Variants in RAVER1 observed in about 807,000 individuals in gnomAD.
The protein encoded by RAVER1 is ribonucleoprotein, PTB binding 1, also known as ribonucleoprotein PTB-binding 1.
In RAVER1, 36 loss-of-function variants were observed where a neutral mutation model predicts 68.4. The observed-to-expected ratio is 0.53, with a 90% CI of 0.40 to 0.70. RAVER1 has a LOEUF of 0.70. Among genes scored for constraint, RAVER1 ranks in the 30% least tolerant of loss-of-function variants. RAVER1 has a pLI of 0.00. For missense variants in RAVER1, 933 were observed against 1,019.8 expected (o/e 0.91, Z 1.16); for synonymous variants, 469 against 472.7 (o/e 0.99, Z 0.10).
In RAVER1 at chr19:10,329,748, G is replaced by A. The variant is rs1189417777; in HGVS notation, c.287-637C>T. On this transcript the variant is annotated intron_variant, in intron 2 of 12. Transcript: ENST00000617231. This position sits in a 1 kb window ranked among gnomAD's most constrained non-coding sequence, Gnocchi z 4.6. ...AGGAAGCTTTGTTCAAAACGATCAC[G>A]CCACATCCATCTTGTGGCTTCTAGC... Among the ~76,000 whole-genome samples, 2 of 152,146 alleles carry A rather than the reference G, an allele frequency of 1.3e-5. No homozygotes were observed. The highest frequency in any genetic ancestry group is 4.1e-4 in the South Asian group (2 of 4,836).
chr19:10,322,769 G>A lies in RAVER1; in HGVS notation c.1079-30C>T, dbSNP rs1305286007. The A allele has an allele frequency of 2.3e-6, 3 of 1,314,936 alleles. No individual in the cohort carries two copies. The African/African-American group carries it at 4.6e-5, about 20-fold the overall frequency. 81.5% of individuals were successfully genotyped at this position (1,314,936 alleles called of 1,614,324 possible). A position where few individuals can be genotyped will look rare whatever the true frequency, so the allele number is the denominator to read the frequency against. On this transcript the variant is annotated intron_variant, in intron 5 of 12. Coordinates refer to ENST00000617231, the MANE Select transcript of RAVER1 (RefSeq NM_133452.3). The surrounding 1 kb of genome is among the most constrained non-coding windows in gnomAD (Gnocchi z 4.3). ...AGGGAGACATAGGAGGATGTGTGGG[G>A]GTCCCTGTGTCCTCCCTGCCCCACC...
In RAVER1 at chr19:10,322,474, G is replaced by A. The variant is rs2040444955; in HGVS notation, c.1173+171C>T. On this transcript the variant is annotated intron_variant, in intron 6 of 12. Transcript: ENST00000617231. This position sits in a 1 kb window ranked among gnomAD's most constrained non-coding sequence, Gnocchi z 4.3. ...AACCATCATGAGCAATTGCCAGAGG[G>A]GGATGGGGATGTGGGTGGGAAAGGC... 1 of 540,414 alleles carries A rather than the reference G, an allele frequency of 1.9e-6. No individual in the cohort carries two copies. Among genetic ancestry groups the A allele is most frequent in the Admixed American group, 4.2e-5 (1 of 23,694 alleles). The allele number at this position is 540,414 out of a possible 1,614,324, so 33.5% of individuals were successfully genotyped here. A position where few individuals can be genotyped will look rare whatever the true frequency, so the allele number is the denominator to read the frequency against.
At position 10,320,458 on chromosome 19, in the gene RAVER1, C is replaced by A. The variant is rs1242093532; in HGVS notation, c.1770+197G>T. The stretch of plus-strand genomic sequence containing the variant: ...GGTTGAGGCTGCAGTGAGCTATGAT[C>A]GCACCACTGCACTCCAGCCAGGGCA... On this transcript the variant is annotated intron_variant, in intron 9 of 12. Coordinates refer to ENST00000617231, the MANE Select transcript of RAVER1 (RefSeq NM_133452.3). 2.0e-5 allele frequency among the ~76,000 whole-genome samples: 3 copies of A among 148,894 alleles called. No homozygotes were observed. The Admixed American group carries it at 2.0e-4, about 10-fold the overall frequency.
chr19:10,320,724 G>A lies in RAVER1; in HGVS notation c.1701C>T (p.Ser567=), dbSNP rs1314331618. ...KAFQLKSRLL[S]PLSSARLPPE... ...GGGGCAGGCGGGCGCTGCTGAGGGG[G>A]CTGAGCAGGCGGGACTTGAGCTGGA... is the stretch of plus-strand genomic sequence containing the variant. The change falls in exon 9 of 13, where the codon AGC becomes AGT. Residue 567 remains serine (S), a synonymous_variant. Transcript: ENST00000617231. The A allele has an allele frequency of 2.6e-6, 4 of 1,541,936 alleles. No homozygotes were observed. The highest frequency in any genetic ancestry group is 5.0e-5 in the East Asian group (2 of 39,690).
At position 10,323,029 on chromosome 19, in the gene RAVER1, G is replaced by C; in HGVS notation, c.1078+116C>G. 1.1e-6 allele frequency: 1 copy of C among 893,020 alleles called. No individual in the cohort carries two copies. The highest frequency in any genetic ancestry group is 1.7e-6 in the Non-Finnish European group (1 of 596,800). The allele number at this position is 893,020 out of a possible 1,614,324, so 55.3% of individuals were successfully genotyped here. A position where few individuals can be genotyped will look rare whatever the true frequency, so the allele number is the denominator to read the frequency against. Reference sequence around the variant, plus strand: ...CGCTATGACTCCATACTCCCCCTCGGCCCTACTCCTGGGGCTCCTGTCACT... The same window carrying C: ...CGCTATGACTCCATACTCCCCCTCGCCCCTACTCCTGGGGCTCCTGTCACT... On this transcript the variant is annotated intron_variant, in intron 5 of 12. Transcript: ENST00000617231. This position sits in a 1 kb window ranked among gnomAD's most constrained non-coding sequence, Gnocchi z 6.2.
At chr19:10,330,576 G>T in intron 1 of RAVER1, 50 bp from the exon 2 acceptor site, 1 of 842,214 alleles carries the variant, frequency 1.2e-6, no homozygotes, top group South Asian at 1.4e-5. Flanking sequence ...ATGGAAGGGG[G>T]CAACCCAGTG....
rs376621706 is a variant in RAVER1 at position 10,323,307 on chromosome 19, C to A, written c.949-33G>T. 2 of 1,612,394 alleles carry A rather than the reference C, an allele frequency of 1.2e-6. No individual in the cohort carries two copies. Among genetic ancestry groups the A allele is most frequent in the South Asian group, 2.2e-5 (2 of 91,002 alleles). On this transcript the variant is annotated intron_variant, in intron 4 of 12. Transcript: ENST00000617231. This position sits in a 1 kb window ranked among gnomAD's most constrained non-coding sequence, Gnocchi z 6.2. Reference sequence around the variant, plus strand: ...AAGGAACAGAAGCAGCTCAGAGTGCCGCTGGGGCCCTGACATCCCCATGGG... The same window carrying A: ...AAGGAACAGAAGCAGCTCAGAGTGCAGCTGGGGCCCTGACATCCCCATGGG...
At position 10,316,274 on chromosome 19, in the gene RAVER1, G is replaced by A. The variant is rs2040386868; in HGVS notation, c.*1180C>T. 1 of 1,279,464 alleles carries A rather than the reference G, an allele frequency of 7.8e-7. No individual in the cohort carries two copies. The highest frequency in any genetic ancestry group is 4.2e-5 in the Admixed American group (1 of 24,020). 79.3% of individuals were successfully genotyped at this position (1,279,464 alleles called of 1,614,324 possible). On this transcript the variant is annotated 3_prime_UTR_variant, in exon 13 of 13. Coordinates refer to ENST00000617231, the MANE Select transcript of RAVER1 (RefSeq NM_133452.3). ...CAAAGGTCCGTGTGGGGAGACTGGG[G>A]TGGGGTCGGGGGAATAGTCCCCTTG...
At chr19:10,318,748 C>T (rs1846654015) in intron 10 of RAVER1, among the ~76,000 whole-genome samples, 1 of 152,200 alleles carries the variant, frequency 6.6e-6, no homozygotes. Flanking sequence ...CCTCCAGGAA[C>T]CCAGGGATCA....
chr19:10,320,953 T>C lies in RAVER1; in HGVS notation c.1474-2A>G. 6.7e-7 allele frequency: 1 copy of C among 1,490,734 alleles called. No individual in the cohort carries two copies. The highest frequency in any genetic ancestry group is 8.9e-7 in the Non-Finnish European group (1 of 1,127,620). 92.3% of individuals were successfully genotyped at this position (1,490,734 alleles called of 1,614,324 possible). A position where few individuals can be genotyped will look rare whatever the true frequency, so the allele number is the denominator to read the frequency against. ...GGGGGGCTCCCCCAGCAGTGAGACC[T>C]GTGGCGGGAAGGCAGGATTCGAGAG... On this transcript the variant is annotated splice_acceptor_variant, in intron 8 of 12. Coordinates refer to ENST00000617231, the MANE Select transcript of RAVER1 (RefSeq NM_133452.3). LOFTEE classifies it high-confidence loss of function.
Position 10,333,171 on chromosome 19 carries a change from TG to T in RAVER1, c.219+117del. 1 of 1,015,236 alleles carries T rather than the reference TG, an allele frequency of 9.8e-7. No homozygotes were observed. Among genetic ancestry groups the T allele is most frequent in the Non-Finnish European group, 1.4e-6 (1 of 705,148 alleles). 62.9% of individuals were successfully genotyped at this position (1,015,236 alleles called of 1,614,324 possible). A position where few individuals can be genotyped will look rare whatever the true frequency, so the allele number is the denominator to read the frequency against. Reference sequence around the variant, plus strand: ...CTCTCCCGATCCCGCGTGGATCCGGTGCTTGGGCGCCCCCGCCAACGACCCC... The same window carrying T: ...CTCTCCCGATCCCGCGTGGATCCGGTCTTGGGCGCCCCCGCCAACGACCCC... On this transcript the variant is annotated intron_variant, in intron 1 of 12. Coordinates refer to ENST00000617231, the MANE Select transcript of RAVER1 (RefSeq NM_133452.3). This position sits in a 1 kb window ranked among gnomAD's most constrained non-coding sequence, Gnocchi z 4.2.
At position 10,330,052 on chromosome 19, in the gene RAVER1, G is replaced by C. The variant is rs1317259595; in HGVS notation, c.286+408C>G. Reference sequence around the variant, plus strand: ...GCAGGGGAATGGGCTGAACCCAGGAGGCGGAGGTTGCAGCGAGCCGAGCTC... The same window carrying C: ...GCAGGGGAATGGGCTGAACCCAGGACGCGGAGGTTGCAGCGAGCCGAGCTC... On this transcript the variant is annotated intron_variant, in intron 2 of 12. Coordinates refer to ENST00000617231, the MANE Select transcript of RAVER1 (RefSeq NM_133452.3). Among the ~76,000 whole-genome samples the C allele has an allele frequency of 9.9e-5, 15 of 151,872 alleles. No homozygotes were observed. In the East Asian group the frequency reaches 2.7e-3, roughly 27 times the overall value.
chr19:10,316,711 A>T lies in RAVER1; in HGVS notation c.*743T>A, dbSNP rs907690698. Reference sequence around the variant, plus strand: ...TGGAGATCCTGGGTAGGGTGGCCCAATCCCTAGGCCAGAGCTGTTTGGTCC... The same window carrying T: ...TGGAGATCCTGGGTAGGGTGGCCCATTCCCTAGGCCAGAGCTGTTTGGTCC... On this transcript the variant is annotated 3_prime_UTR_variant, in exon 13 of 13. Transcript: ENST00000617231. 1 of 273,424 alleles carries T rather than the reference A, an allele frequency of 3.7e-6. No individual in the cohort carries two copies. Among genetic ancestry groups the T allele is most frequent in the African/African-American group, 2.3e-5 (1 of 43,686 alleles). 16.9% of individuals were successfully genotyped at this position (273,424 alleles called of 1,614,324 possible). A position where few individuals can be genotyped will look rare whatever the true frequency, so the allele number is the denominator to read the frequency against.
chr19:10,324,286 C>T lies in RAVER1; in HGVS notation c.757-720G>A, dbSNP rs564113423. Among the ~76,000 whole-genome samples the T allele has an allele frequency of 3.3e-5, 5 of 152,308 alleles. No individual in the cohort carries two copies. The South Asian group carries it at 6.2e-4, about 19-fold the overall frequency. On this transcript the variant is annotated intron_variant, in intron 3 of 12. Coordinates refer to ENST00000617231, the MANE Select transcript of RAVER1 (RefSeq NM_133452.3). ...TGGGCACCGGCACTTGCTGAATGCC[C>T]GGGCAGCAAAGGTGCAGGTAGCAGC...
chr19:10,333,308 G>C lies in RAVER1; in HGVS notation c.200C>G (p.Pro67Arg). 6.2e-7 allele frequency: 1 copy of C among 1,613,576 alleles called. No individual in the cohort carries two copies. The highest frequency in any genetic ancestry group is 8.5e-7 in the Non-Finnish European group (1 of 1,179,630). The change falls in exon 1 of 13, where the codon CCG (proline) becomes CGG (arginine). Residue 67 changes from proline to arginine, a missense_variant. Coordinates refer to ENST00000617231, the MANE Select transcript of RAVER1 (RefSeq NM_133452.3). The surrounding 1 kb of genome is among the most constrained non-coding windows in gnomAD (Gnocchi z 4.2). ...NRRKILIRGL[P>R]GDVTNQEVHD... ...CAATACCTGGTTGGTCACGTCCCCC[G>C]GGAGGCCCCGGATCAGTATCTTGCG...
chr19:10,325,705 T>A (rs1416697167), intron 3 of RAVER1, among the ~76,000 whole-genome samples: 2 of 151,798 alleles, frequency 1.3e-5, no homozygotes, highest in Non-Finnish European at 2.9e-5. Context: ...CCCAGCTACA[T>A]GGGAGGCCAA....
intron 1 of RAVER1, among the ~76,000 whole-genome samples, chr19:10,331,684 CAAAAAAAAAA>C (rs61614587): frequency 2.7e-5 from 2 of 73,286 alleles, no homozygotes; most frequent in African/African-American, 5.8e-5. Flanking sequence ...GACTCCGTCT[CAAAAAAAAAA>C]AAAAAAAAAA....
intron 3 of RAVER1, among the ~76,000 whole-genome samples, chr19:10,325,306 C>A (rs191770357): frequency 1.9e-4 from 29 of 152,286 alleles, no homozygotes; most frequent in African/African-American, 5.1e-4. Context: ...CTCACCACAA[C>A]CTCTGTCTCC....
In RAVER1 at chr19:10,333,296, G is replaced by A; in HGVS notation, c.212C>T (p.Thr71Ile). 6.2e-7 allele frequency: 1 copy of A among 1,613,558 alleles called. No individual in the cohort carries two copies. Among genetic ancestry groups the A allele is most frequent in the Non-Finnish European group, 8.5e-7 (1 of 1,179,620 alleles). Reference sequence around the variant, plus strand: ...CACCGCCCCCCCCAATACCTGGTTGGTCACGTCCCCCGGGAGGCCCCGGAT... The same window carrying A: ...CACCGCCCCCCCCAATACCTGGTTGATCACGTCCCCCGGGAGGCCCCGGAT... The part of the protein sequence containing the change: ...ILIRGLPGDV[T>I]NQEVHDLLSD... Residue 71 changes from threonine to isoleucine, a missense_variant, in exon 1 of 13, where the codon ACC becomes ATC. Around this residue, in one of 3 missense-constraint regions of RAVER1, gnomAD observed 211 missense variants for 230.0 expected, o/e 0.92. Coordinates refer to ENST00000617231, the MANE Select transcript of RAVER1 (RefSeq NM_133452.3). This position sits in a 1 kb window ranked among gnomAD's most constrained non-coding sequence, Gnocchi z 4.2.
Sources: gnomAD v4.1 joint callset for allele counts (sites outside exome capture counted in the v4.1 genomes callset) on GRCh38, gnomAD v4.1.1 for gene constraint, gnomAD v4.1.1 regional missense constraint, Gnocchi (gnomAD v3.1) non-coding constraint, MANE v1.5 for transcripts, NCBI Gene and HGNC (gene_info 2026-07-23, HGNC 2026-07-21) for gene names.